Variants in EPM2A observed in about 807,000 individuals in gnomAD.
EPM2A encodes laforin.
A neutral mutation model predicts 26.5 loss-of-function variants in EPM2A; 21 were observed. The ratio of observed to expected loss-of-function variants is 0.79; its 90% CI spans 0.56 to 1.14. The LOEUF (loss-of-function observed/expected upper bound fraction) is 1.14, where lower values mean the gene tolerates loss of function less well. Among genes scored for constraint, EPM2A ranks in the 50% most tolerant of loss-of-function variants. EPM2A has a pLI of 0.00. For missense variants in EPM2A, 458 were observed against 440.8 expected (o/e 1.04, Z -0.35); for synonymous variants, 217 against 177.6 (o/e 1.22, Z -1.76).
intron 2 of EPM2A, among the ~76,000 whole-genome samples, chr6:145,663,317 C>T (rs181118387): frequency 5.3e-5 from 8 of 152,282 alleles, no homozygotes; most frequent in East Asian, 1.9e-4. Context: ...ACGCAGAAGA[C>T]GGGTGATTTC....
At chr6:145,547,161 T>C (rs1260076080) in intron 2 of EPM2A, among the ~76,000 whole-genome samples, 3 of 152,068 alleles carry the variant, frequency 2.0e-5, no homozygotes, top group African/African-American at 2.4e-5. Context: ...CTATCAAAAT[T>C]CACAACCCAT....
chr6:145,593,443 T>G (rs951219965), intron 2 of EPM2A, among the ~76,000 whole-genome samples: 1 of 152,158 alleles, frequency 6.6e-6, no homozygotes, highest in Non-Finnish European at 1.5e-5. Flanking sequence ...CTAGTTGATA[T>G]TTACAGAATT....
chr6:145,409,106 T>C (rs1390748262), intron 4 of EPM2A, among the ~76,000 whole-genome samples: 3 of 152,180 alleles, frequency 2.0e-5, no homozygotes, highest in East Asian at 3.8e-4. Flanking sequence ...GTCTTAAAAT[T>C]TCTAAGCAAA....
At chr6:145,691,921 C>T (rs531749115) in intron 1 of EPM2A, among the ~76,000 whole-genome samples, 1 of 151,850 alleles carries the variant, frequency 6.6e-6, no homozygotes, top group South Asian at 2.1e-4. Flanking sequence ...CTAAATACAC[C>T]AATGAAAATA....
chr6:145,509,279 A>G (rs1391542508), intron 2 of EPM2A, among the ~76,000 whole-genome samples: 3 of 152,326 alleles, frequency 2.0e-5, no homozygotes, highest in South Asian at 2.1e-4. Flanking sequence ...TCACCAAGGT[A>G]CATAGTCATC....
chr6:145,462,078 T>C (rs1779334118), intron 4 of EPM2A, among the ~76,000 whole-genome samples: 1 of 152,180 alleles, frequency 6.6e-6, no homozygotes, highest in Non-Finnish European at 1.5e-5. Context: ...CAGTTTCCTC[T>C]CAGAATAGTG....
In EPM2A at chr6:145,735,433, C is replaced by A; in HGVS notation, c.66G>T (p.Val22=). The change falls in exon 1 of 4, where the codon GTG becomes GTT. Residue 22 remains valine, a synonymous_variant. Transcript: ENST00000367519. ...AVAGARPELL[V]VGSRPELGRW... is the part of the protein sequence containing the mutation. ...GCCCCAGCTCGGGCCGCGACCCCAC[C>A]ACCAGCAGCTCCGGCCGGGCGCCGG... is the stretch of plus-strand genomic sequence containing the variant. The A allele has an allele frequency of 7.9e-7, 1 of 1,257,992 alleles. No individual in the cohort carries two copies. The highest frequency in any genetic ancestry group is 1.0e-6 in the Non-Finnish European group (1 of 994,964). 77.9% of individuals were successfully genotyped at this position (1,257,992 alleles called of 1,614,324 possible).
At chr6:145,613,291 T>G (rs983183411) in intron 2 of EPM2A, among the ~76,000 whole-genome samples, 2 of 152,210 alleles carry the variant, frequency 1.3e-5, no homozygotes, top group African/African-American at 4.8e-5. Context: ...CGGACTCCAC[T>G]ACTGTTTCCA....
chr6:145,499,197 C>T (rs1167018583), downstream of EPM2A, among the ~76,000 whole-genome samples: 1 of 152,200 alleles, frequency 6.6e-6, no homozygotes, highest in Non-Finnish European at 1.5e-5. Flanking sequence ...ATTAACATGG[C>T]ATACATGGCT....
chr6:145,476,407 C>A (rs549144198), intron 4 of EPM2A, among the ~76,000 whole-genome samples: 46 of 151,570 alleles, frequency 3.0e-4, no homozygotes, highest in African/African-American at 4.6e-4. Flanking sequence ...ACAACAACAA[C>A]AAAAAAAGAA....
chr6:145,601,782 A>G (rs565333500), intron 2 of EPM2A, among the ~76,000 whole-genome samples: 148 of 152,328 alleles, frequency 9.7e-4, no homozygotes, highest in Middle Eastern at 6.8e-3. Flanking sequence ...GAAACTAGTC[A>G]TGTGACCTCT....
intron 2 of EPM2A, among the ~76,000 whole-genome samples, chr6:145,508,473 C>A (rs193151758): frequency 6.6e-6 from 1 of 152,250 alleles, no homozygotes; most frequent in African/African-American, 2.4e-5. Context: ...ACCAAGGAGC[C>A]CTTACAGAGC....
At chr6:145,536,878 C>G (rs1389402321) in intron 2 of EPM2A, among the ~76,000 whole-genome samples, 1 of 152,170 alleles carries the variant, frequency 6.6e-6, no homozygotes, top group Non-Finnish European at 1.5e-5. Context: ...AAAAGGCAGA[C>G]AGAGGAGTGG....
intron 4 of EPM2A, among the ~76,000 whole-genome samples, chr6:145,489,149 G>A (rs564294370): frequency 7.5e-4 from 114 of 152,182 alleles, no homozygotes; most frequent in African/African-American, 2.6e-3. Flanking sequence ...TTGTTCCAAC[G>A]AAAGAAAGCC....
At chr6:145,468,901 TAATAACCAG>T (rs1188815960) in intron 4 of EPM2A, among the ~76,000 whole-genome samples, 1 of 152,124 alleles carries the variant, frequency 6.6e-6, no homozygotes, top group African/African-American at 2.4e-5. Flanking sequence ...GACAAGAGAT[TAATAACCAG>T]AATACATAAG....
At chr6:145,399,539 G>C (rs1173030578) in intron 4 of EPM2A, among the ~76,000 whole-genome samples, 1 of 151,882 alleles carries the variant, frequency 6.6e-6, no homozygotes, top group Non-Finnish European at 1.5e-5. Context: ...TATGCGAACA[G>C]AAAAAAAATC....
chr6:145,448,352 A>G (rs1388770655), intron 4 of EPM2A, among the ~76,000 whole-genome samples: 1 of 152,028 alleles, frequency 6.6e-6, no homozygotes, highest in Non-Finnish European at 1.5e-5. Flanking sequence ...TTTTCCATGG[A>G]GACTACACTG....
At chr6:145,495,653 C>G (rs1032271880) in intron 4 of EPM2A, among the ~76,000 whole-genome samples, 2 of 152,216 alleles carry the variant, frequency 1.3e-5, no homozygotes, top group African/African-American at 4.8e-5. Flanking sequence ...TCTCAGCTCA[C>G]TGCAACCTCC....
At chr6:145,496,025 G>A (rs1779815060) in intron 4 of EPM2A, among the ~76,000 whole-genome samples, 1 of 152,118 alleles carries the variant, frequency 6.6e-6, no homozygotes, top group South Asian at 2.1e-4. Flanking sequence ...GCATTTGCTT[G>A]TCTCTAAAGG....
Sources: allele counts gnomAD v4.1 joint callset (sites outside exome capture counted in the v4.1 genomes callset), GRCh38; gene constraint gnomAD v4.1.1; transcripts MANE v1.5; gene names NCBI Gene and HGNC (gene_info 2026-07-23, HGNC 2026-07-21).